The following FAM200B variants were observed in gnomAD, a reference collection of about 807,000 sequenced individuals.
FAM200B encodes protein FAM200B.
Under a neutral mutation model 33.1 loss-of-function variants are expected in FAM200B, and 32 were observed. That is an observed-to-expected ratio of 0.97 (90% CI 0.73 to 1.30). FAM200B has a LOEUF of 1.30. FAM200B is among the 50% of genes most tolerant of loss of function. The pLI is 0.00. For synonymous variants in FAM200B, 240 were observed against 264.8 expected (o/e 0.91, Z 0.91); for missense variants, 741 against 754.0 (o/e 0.98, Z 0.20).
the FAM200B span, among the ~76,000 whole-genome samples, chr4:15,673,836 A>G: frequency 6.6e-6 from 1 of 152,176 alleles, no homozygotes; most frequent in Non-Finnish European, 1.5e-5. Context: ...ACTAGGCTGC[A>G]TATGTTCCCC....
rs113807824 is a variant in FAM200B at position 15,688,855 on chromosome 4, A to C, written c.1878A>C (p.Arg626Ser). 6.4e-7 allele frequency: 1 copy of C among 1,551,526 alleles called. No individual in the cohort carries two copies. ...SILTQLKTKE[R>S]NGLNCAAVMR... ...TAACGCAGTTAAAAACAAAGGAAAG[A>C]AATGGGCTGAATTGTGCAGCAGTTA... is the stretch of plus-strand genomic sequence containing the variant. Residue 626 changes from arginine (R) to serine (S), a missense_variant, in exon 2 of 2, where the codon AGA becomes AGC. By Grantham distance (110) the Arg-to-Ser change is moderately radical. Coordinates refer to ENST00000422728, the MANE Select transcript of FAM200B (RefSeq NM_001145191.2).
At chr4:15,659,078 TTAAC>T in the FAM200B span, among the ~76,000 whole-genome samples, 1 of 152,208 alleles carries the variant, frequency 6.6e-6, no homozygotes, top group Admixed American at 6.5e-5. Context: ...CTCCTGTGCT[TTAAC>T]TAAATAATAT....
At chr4:15,656,231 A>C in the FAM200B span, 1 of 456,298 alleles carries the variant, frequency 2.2e-6, no homozygotes, top group South Asian at 1.5e-5. Flanking sequence ...TCACTAACCC[A>C]GGAAAATGTC....
Position 15,688,691 on chromosome 4 carries a change from A to G in FAM200B, c.1714A>G (p.Lys572Glu), listed in dbSNP as rs756805775. The change falls in exon 2 of 2, where the codon AAG (lysine) becomes GAG (glutamate). Residue 572 changes from lysine (K) to glutamate (E), a missense_variant. Transcript: ENST00000422728. Reference protein sequence around the residue: ...LLQLSSSYTLKNDYETLSLSA... With the variant: ...LLQLSSSYTLENDYETLSLSA... ...GCAGCTTAGTTCTTCATATACATTG[A>G]AGAATGATTATGAAACCTTAAGTTT... 6 of 1,551,124 alleles carry G rather than the reference A, an allele frequency of 3.9e-6. No individual in the cohort carries two copies. The highest frequency in any genetic ancestry group is 5.2e-6 in the Non-Finnish European group (6 of 1,146,604).
rs1002721296 is a variant in FAM200B at position 15,687,167 on chromosome 4, A to G, written c.190A>G (p.Asn64Asp). 11 of 1,542,882 alleles carry G rather than the reference A, an allele frequency of 7.1e-6. No homozygotes were observed. The Admixed American group carries it at 1.6e-4, about 23-fold the overall frequency. Residue 64 changes from asparagine to aspartate, a missense_variant, in exon 2 of 2, where the codon AAT becomes GAT. By Grantham distance (23) the Asn-to-Asp change is conservative. Coordinates refer to ENST00000422728, the MANE Select transcript of FAM200B (RefSeq NM_001145191.2). ...GAAAAAAGTAAGTGCAAGACGTTAT[A>G]ATGAAGATTACTTAAAATATGGCTT... ...KKKKVSARRY[N>D]EDYLKYGFIK...
chr4:15,655,461 T>A, the FAM200B span: 1 of 899,650 alleles, frequency 1.1e-6, no homozygotes. Flanking sequence ...CGCCATGCGA[T>A]CCCTGCGGCC....
At chr4:15,678,696 G>A (rs778872873), upstream of FAM200B, among the ~76,000 whole-genome samples, 3 of 152,112 alleles carry the variant, frequency 2.0e-5, no homozygotes, top group Non-Finnish European at 4.4e-5. Flanking sequence ...AATTTTAAAT[G>A]TAAGCTATTA....
chr4:15,642,514 G>A, the FAM200B span, among the ~76,000 whole-genome samples: 7 of 152,156 alleles, frequency 4.6e-5, no homozygotes, highest in East Asian at 1.9e-4. Context: ...AGAATTACAC[G>A]GATGAGCCAC....
chr4:15,657,543 A>C, the FAM200B span, among the ~76,000 whole-genome samples: 3 of 152,252 alleles, frequency 2.0e-5, no homozygotes, highest in African/African-American at 7.2e-5. Flanking sequence ...ACTGTAACCC[A>C]GATTTGAAGC....
chr4:15,639,228 CA>C, the FAM200B span, among the ~76,000 whole-genome samples: 11 of 152,146 alleles, frequency 7.2e-5, no homozygotes, highest in Admixed American at 4.6e-4. Flanking sequence ...TAAATCAATC[CA>C]AAACAATTTT....
chr4:15,675,875 G>A, the FAM200B span, among the ~76,000 whole-genome samples: 3 of 152,154 alleles, frequency 2.0e-5, no homozygotes, highest in African/African-American at 7.2e-5. Flanking sequence ...GAGCCACCGC[G>A]CCCAGCCAAA....
At chr4:15,655,253 G>C in the FAM200B span, 1 of 1,443,952 alleles carries the variant, frequency 6.9e-7, no homozygotes, top group Non-Finnish European at 9.3e-7. Context: ...GTGTGGGGCG[G>C]TGAAGACGTC....
upstream of FAM200B, chr4:15,681,595 C>G (rs926309108): frequency 6.6e-6 from 1 of 152,600 alleles, no homozygotes; most frequent in Non-Finnish European, 1.5e-5. Context: ...CCTAGGGAGT[C>G]GTTACCGCCC....
upstream of FAM200B, among the ~76,000 whole-genome samples, chr4:15,678,610 G>A (rs1297693747): frequency 3.8e-5 from 5 of 130,008 alleles, no homozygotes; most frequent in African/African-American, 8.6e-5. Flanking sequence ...ACAACTTTTT[G>A]ACCAAAATGA....
the FAM200B span, among the ~76,000 whole-genome samples, chr4:15,655,864 G>T: frequency 6.6e-6 from 1 of 152,208 alleles, no homozygotes; most frequent in African/African-American, 2.4e-5. Flanking sequence ...GACCACCCCG[G>T]CCGCCACTCA....
Position 15,688,606 on chromosome 4 carries a change from T to C in FAM200B, c.1629T>C (p.Phe543=), listed in dbSNP as rs1361938115. 1 of 1,551,234 alleles carries C rather than the reference T, an allele frequency of 6.4e-7. No homozygotes were observed. Among genetic ancestry groups the C allele is most frequent in the Admixed American group, 2.0e-5 (1 of 50,972 alleles). ...GTTGGGTAAAAGATCCATTTGCTTT[T>C]CGACACCCTGAATCAATAATTGAGC... ...ENSWVKDPFA[F]RHPESIIELN... The change falls in exon 2 of 2, where the codon TTT becomes TTC. Residue 543 remains phenylalanine (F), a synonymous_variant. Transcript: ENST00000422728.
At chr4:15,679,063 ATTTTT>A (rs60866290), upstream of FAM200B, among the ~76,000 whole-genome samples, 2 of 118,754 alleles carry the variant, frequency 1.7e-5, no homozygotes, top group African/African-American at 3.1e-5. Context: ...TAAAATCTCT[ATTTTT>A]TTTTTTTTTT....
At chr4:15,657,665 T>A in the FAM200B span, among the ~76,000 whole-genome samples, 1 of 152,270 alleles carries the variant, frequency 6.6e-6, no homozygotes, top group Non-Finnish European at 1.5e-5. Flanking sequence ...TCCCTGTGAG[T>A]AATTTTTCCC....
At chr4:15,659,847 G>T in the FAM200B span, 2 of 463,464 alleles carry the variant, frequency 4.3e-6, no homozygotes, top group Non-Finnish European at 5.7e-6. Context: ...TGTATGGCCT[G>T]AGGGAAAGGT....
Sources: gnomAD v4.1 joint callset for allele counts (sites outside exome capture counted in the v4.1 genomes callset) on GRCh38, gnomAD v4.1.1 for gene constraint, MANE v1.5 for transcripts, NCBI Gene and HGNC (gene_info 2026-07-23, HGNC 2026-07-21) for gene names.